KRTAP5-4: variants seen among roughly 807,000 people sequenced by gnomAD.
The protein encoded by KRTAP5-4 is keratin-associated protein 5-4.
Under a neutral mutation model 2.6 loss-of-function variants are expected in KRTAP5-4, and 1 was observed. The ratio of observed to expected loss-of-function variants is 0.39; its 90% confidence interval spans 0.14 to 1.85. The LOEUF (loss-of-function observed/expected upper bound fraction) is 1.85, where lower values mean the gene tolerates loss of function less well. KRTAP5-4 is among the 40% of genes most tolerant of loss of function. The pLI, the probability that KRTAP5-4 is intolerant of heterozygous loss-of-function variation, is 0.32. For missense variants in KRTAP5-4, 195 were observed against 276.9 expected, an observed-to-expected ratio of 0.70 and a Z score of 2.10; for synonymous variants, 83 against 113.1, an observed-to-expected ratio of 0.73 and a Z score of 1.69.
Position 1,621,258 on chromosome 11 carries a change from CTCT to C in KRTAP5-4, c.*146_*148del, listed in dbSNP as rs1849593254. 6.9e-7 allele frequency: 1 copy of C among 1,440,388 alleles called. No homozygotes were observed. Among genetic ancestry groups the C allele is most frequent in the East Asian group, 2.4e-5 (1 of 41,882 alleles). The allele number at this position is 1,440,388 out of a possible 1,614,324, so 89.2% of individuals were successfully genotyped here. A position where few individuals can be genotyped will look rare whatever the true frequency, so the allele number is the denominator to read the frequency against. On this transcript the variant is annotated 3_prime_UTR_variant, in exon 1 of 1. Coordinates refer to ENST00000399682, the MANE Select transcript of KRTAP5-4 (RefSeq NM_001347674.1). ...GACAATGGACATTAATTAGGGTGGA[CTCT>C]TCTTAGGAAAAGGCAGCCAGATATG...
At position 1,621,401 on chromosome 11, in the gene KRTAP5-4, A is replaced by G; in HGVS notation, c.*6T>C. On this transcript the variant is annotated 3_prime_UTR_variant, in exon 1 of 1. Transcript: ENST00000399682. ...CAGGACTCACATGAGGCCTGAGTCCAGAGCCTCAGATCTTACACTGGCAGC... is the reference window on the plus strand; with the variant it reads ...CAGGACTCACATGAGGCCTGAGTCCGGAGCCTCAGATCTTACACTGGCAGC... 6.2e-7 allele frequency: 1 copy of G among 1,614,118 alleles called. No homozygotes were observed. Among genetic ancestry groups the G allele is most frequent in the Non-Finnish European group, 8.5e-7 (1 of 1,179,966 alleles).
In KRTAP5-4 at chr11:1,621,164, C is replaced by T. The variant is rs1349703838; in HGVS notation, c.*243G>A. On this transcript the variant is annotated 3_prime_UTR_variant, in exon 1 of 1. Coordinates refer to ENST00000399682, the MANE Select transcript of KRTAP5-4 (RefSeq NM_001347674.1). ...AGGCCTCTGAAAAGATGAGCAAAGG[C>T]GAGGCTAGTGGGTGAGGGGTGATTC... 24 of 751,130 alleles carry T rather than the reference C, an allele frequency of 3.2e-5. No homozygotes were observed. Among genetic ancestry groups the T allele is most frequent in the Admixed American group, 6.1e-5 (2 of 32,576 alleles). The allele number at this position is 751,130 out of a possible 1,614,324, so 46.5% of individuals were successfully genotyped here.
At position 1,621,462 on chromosome 11, in the gene KRTAP5-4, G is replaced by A; in HGVS notation, c.632C>T (p.Pro211Leu). ...ACAGCAACTAGACTGGGAGCAGCAG[G>A]GATTGCAGCAACTGGACTGGCAGCA... ...SSCCQSSCCN[P>L]CCSQSSCCVP... Residue 211 changes from proline to leucine, a missense_variant, in exon 1 of 1, where the codon CCC (proline) becomes CTC (leucine). By Grantham distance (98) the Pro-to-Leu change is moderately conservative. Coordinates refer to ENST00000399682, the MANE Select transcript of KRTAP5-4 (RefSeq NM_001347674.1). The A allele has an allele frequency of 3.1e-6, 5 of 1,614,120 alleles. No homozygotes were observed. The highest frequency in any genetic ancestry group is 4.2e-6 in the Non-Finnish European group (5 of 1,180,018).
At position 1,622,049 on chromosome 11, in the gene KRTAP5-4, CCCACAGCCGGAGCCACAGCCT is replaced by C. The variant is rs1849616708; in HGVS notation, c.24_44del (p.Gly41_Ser47del). 1 of 1,598,568 alleles carries C rather than the reference CCCACAGCCGGAGCCACAGCCT, an allele frequency of 6.3e-7. No individual in the cohort carries two copies. The highest frequency in any genetic ancestry group is 1.7e-5 in the Admixed American group (1 of 59,076). Reference sequence around the variant, plus strand: ...AGCCCCCACAGCCGGAGCCACAGCCCCCACAGCCGGAGCCACAGCCTCCAGAGCAGCCACAGCAGCCCATGG... The same window carrying C: ...AGCCCCCACAGCCGGAGCCACAGCCCCCAGAGCAGCCACAGCAGCCCATGG... On this transcript the variant is annotated inframe_deletion, in exon 1 of 1. Coordinates refer to ENST00000399682, the MANE Select transcript of KRTAP5-4 (RefSeq NM_001347674.1).
rs746346664 is a variant in KRTAP5-4 at position 1,621,461 on chromosome 11, G to C, written c.633C>G (p.Pro211=). 5.6e-6 allele frequency: 9 copies of C among 1,614,016 alleles called. No individual in the cohort carries two copies. The highest frequency in any genetic ancestry group is 7.6e-6 in the Non-Finnish European group (9 of 1,180,034). Reference sequence around the variant, plus strand: ...CACAGCAACTAGACTGGGAGCAGCAGGGATTGCAGCAACTGGACTGGCAGC... The same window carrying C: ...CACAGCAACTAGACTGGGAGCAGCACGGATTGCAGCAACTGGACTGGCAGC... ...SSCCQSSCCN[P]CCSQSSCCVP... Residue 211 remains proline (P), a synonymous_variant, in exon 1 of 1, where the codon CCC becomes CCG. Coordinates refer to ENST00000399682, the MANE Select transcript of KRTAP5-4 (RefSeq NM_001347674.1).
rs1311797501 is a variant in KRTAP5-4, at chr11:1,620,970, G to A, written c.*437C>T. 3.8e-4 allele frequency: 60 copies of A among 157,550 alleles called. No homozygotes were observed. Among genetic ancestry groups the A allele is most frequent in the Non-Finnish European group, 4.8e-4 (37 of 77,894 alleles). The allele number at this position is 157,550 out of a possible 1,614,324, so 9.8% of individuals were successfully genotyped here. A position where few individuals can be genotyped will look rare whatever the true frequency, so the allele number is the denominator to read the frequency against. On this transcript the variant is annotated 3_prime_UTR_variant, in exon 1 of 1. Coordinates refer to ENST00000399682, the MANE Select transcript of KRTAP5-4 (RefSeq NM_001347674.1). ...TGCACTCCAGCCTGGGTGACAGTGC[G>A]AGACTCCATCTCAAAAAAAAAAAAA... is the stretch of plus-strand genomic sequence containing the variant.
At position 1,621,358 on chromosome 11, in the gene KRTAP5-4, T is replaced by C; in HGVS notation, c.*49A>G. On this transcript the variant is annotated 3_prime_UTR_variant, in exon 1 of 1. Coordinates refer to ENST00000399682, the MANE Select transcript of KRTAP5-4 (RefSeq NM_001347674.1). Reference sequence around the variant, plus strand: ...TCAACAATGAAGGACAGGTCACAGCTTTGGAAGACAGGATTAGCAGGACTC... The same window carrying C: ...TCAACAATGAAGGACAGGTCACAGCCTTGGAAGACAGGATTAGCAGGACTC... 1.2e-6 allele frequency: 2 copies of C among 1,608,094 alleles called. No homozygotes were observed. The highest frequency in any genetic ancestry group is 1.7e-6 in the Non-Finnish European group (2 of 1,175,948).
Position 1,622,080 on chromosome 11 carries a change from C to A in KRTAP5-4, c.14G>T (p.Gly5Val). 1.2e-6 allele frequency: 2 copies of A among 1,611,554 alleles called. No individual in the cohort carries two copies. The highest frequency in any genetic ancestry group is 1.7e-6 in the Non-Finnish European group (2 of 1,179,540). ...GCCGGAGCCACAGCCTCCAGAGCAG[C>A]CACAGCAGCCCATGGTTCTGGTGGA... MGCC[G>V]CSGGCGSGCG... is the part of the protein sequence containing the mutation. Residue 5 changes from glycine (G) to valine (V), a missense_variant, in exon 1 of 1, where the codon GGC (glycine) becomes GTC (valine). By Grantham distance (109) the Gly-to-Val change is moderately radical. Coordinates refer to ENST00000399682, the MANE Select transcript of KRTAP5-4 (RefSeq NM_001347674.1).
rs1245159520 is a variant in KRTAP5-4 at position 1,621,059 on chromosome 11, C to T, written c.*348G>A. ...CCACTCCAAGGAAGCCTCTTAAACGCCCACCTTGTTGCAGGTGGGACGCTT... is the reference window on the plus strand; with the variant it reads ...CCACTCCAAGGAAGCCTCTTAAACGTCCACCTTGTTGCAGGTGGGACGCTT... On this transcript the variant is annotated 3_prime_UTR_variant, in exon 1 of 1. Transcript: ENST00000399682. 2 of 316,340 alleles carry T rather than the reference C, an allele frequency of 6.3e-6. No homozygotes were observed. The highest frequency in any genetic ancestry group is 6.2e-6 in the Non-Finnish European group (1 of 161,318). The allele number at this position is 316,340 out of a possible 1,614,324, so 19.6% of individuals were successfully genotyped here.
rs761097964 is a variant in KRTAP5-4 at position 1,621,962 on chromosome 11, GC to G, written c.131del (p.Gly44AlafsTer194). On this transcript the variant is annotated frameshift_variant, in exon 1 of 1. Coordinates refer to ENST00000399682, the MANE Select transcript of KRTAP5-4 (RefSeq NM_001347674.1). LOFTEE classifies it low-confidence loss of function (END_TRUNC). ...GCGGCGSGCG[G>X]CGSSCCVPIC... The stretch of plus-strand genomic sequence containing the variant: ...TGGGCACACAGCAGCTGGAGCCACA[GC>G]CCCCACAGCCGGAGCCACAGCCCCC... The G allele has an allele frequency of 1.3e-6, 2 of 1,559,112 alleles. No homozygotes were observed. The highest frequency in any genetic ancestry group is 1.7e-6 in the Non-Finnish European group (2 of 1,146,572).
Position 1,621,405 on chromosome 11 carries a change from C to T in KRTAP5-4, c.*2G>A. On this transcript the variant is annotated 3_prime_UTR_variant, in exon 1 of 1. Coordinates refer to ENST00000399682, the MANE Select transcript of KRTAP5-4 (RefSeq NM_001347674.1). ...ACTCACATGAGGCCTGAGTCCAGAG[C>T]CTCAGATCTTACACTGGCAGCACAC... is the stretch of plus-strand genomic sequence containing the variant. 6.2e-7 allele frequency: 1 copy of T among 1,614,106 alleles called. No homozygotes were observed. Among genetic ancestry groups the T allele is most frequent in the Non-Finnish European group, 8.5e-7 (1 of 1,179,990 alleles).
Position 1,620,982 on chromosome 11 carries a change from CAAAAA to C in KRTAP5-4, c.*420_*424del, listed in dbSNP as rs60019828. 5.7e-3 allele frequency: 401 copies of C among 70,158 alleles called. No homozygotes were observed. The highest frequency in any genetic ancestry group is 0.017 in the South Asian group (41 of 2,478). The allele number at this position is 70,158 out of a possible 1,614,324, so 4.3% of individuals were successfully genotyped here. ...TGGGTGACAGTGCGAGACTCCATCT[CAAAAA>C]AAAAAAAAAAAAAAAAAAGATACAG... is the stretch of plus-strand genomic sequence containing the variant. On this transcript the variant is annotated 3_prime_UTR_variant, in exon 1 of 1. Transcript: ENST00000399682.
rs777789403 is a variant in KRTAP5-4, at chr11:1,621,678, C to T, written c.416G>A (p.Cys139Tyr). 6.2e-7 allele frequency: 1 copy of T among 1,611,364 alleles called. No homozygotes were observed. Among genetic ancestry groups the T allele is most frequent in the Non-Finnish European group, 8.5e-7 (1 of 1,178,402 alleles). ...GAAGCAGCAGGGCTTACAGCAGCTGCACTGGGAGCAGCCACAAGAGCCACA... is the reference window on the plus strand; with the variant it reads ...GAAGCAGCAGGGCTTACAGCAGCTGTACTGGGAGCAGCCACAAGAGCCACA... Reference protein sequence around the residue: ...GGCGSCGCSQCSCCKPCCFSS... With the variant: ...GGCGSCGCSQYSCCKPCCFSS... Residue 139 changes from cysteine (C) to tyrosine (Y), a missense_variant, in exon 1 of 1, where the codon TGC (cysteine) becomes TAC (tyrosine). By Grantham distance (194) the Cys-to-Tyr change is radical. Transcript: ENST00000399682.
chr11:1,621,962 G>T lies in KRTAP5-4; in HGVS notation c.132C>A (p.Gly44=), dbSNP rs1348143664. 1 of 1,559,002 alleles carries T rather than the reference G, an allele frequency of 6.4e-7. No individual in the cohort carries two copies. The highest frequency in any genetic ancestry group is 8.7e-7 in the Non-Finnish European group (1 of 1,146,580). The change falls in exon 1 of 1, where the codon GGC becomes GGA. Residue 44 remains glycine, a synonymous_variant. Transcript: ENST00000399682. ...TGGGCACACAGCAGCTGGAGCCACA[G>T]CCCCCACAGCCGGAGCCACAGCCCC... is the stretch of plus-strand genomic sequence containing the variant. The part of the protein sequence containing the change: ...GCGGCGSGCG[G]CGSSCCVPIC...
rs1209360771 is a variant in KRTAP5-4 at position 1,622,026 on chromosome 11, C to A, written c.68G>T (p.Gly23Val). ...ACAGCCCCCACAGCCAGAGCCACAG[C>A]CCCCACAGCCGGAGCCACAGCCCCC... ...GCGGCGSGCG[G>V]CGSGCGGCGS... The change falls in exon 1 of 1, where the codon GGC becomes GTC. Residue 23 changes from glycine to valine, a missense_variant. Gly to Val is a moderately radical substitution (Grantham distance 109). Coordinates refer to ENST00000399682, the MANE Select transcript of KRTAP5-4 (RefSeq NM_001347674.1). 7.4e-7 allele frequency: 1 copy of A among 1,355,948 alleles called. No homozygotes were observed. Among genetic ancestry groups the A allele is most frequent in the Non-Finnish European group, 1.0e-6 (1 of 992,864 alleles). The allele number at this position is 1,355,948 out of a possible 1,614,324, so 84.0% of individuals were successfully genotyped here. A position where few individuals can be genotyped will look rare whatever the true frequency, so the allele number is the denominator to read the frequency against.
chr11:1,621,108 A>C lies in KRTAP5-4; in HGVS notation c.*299T>G. The C allele has an allele frequency of 2.1e-6, 1 of 475,634 alleles. No individual in the cohort carries two copies. The allele number at this position is 475,634 out of a possible 1,614,324, so 29.5% of individuals were successfully genotyped here. A position where few individuals can be genotyped will look rare whatever the true frequency, so the allele number is the denominator to read the frequency against. ...TTATGCCCAGCTGCTCCAGCTGGAA[A>C]AGACAGGACTGCAAGTGGGTTCAGG... is the stretch of plus-strand genomic sequence containing the variant. On this transcript the variant is annotated 3_prime_UTR_variant, in exon 1 of 1. Coordinates refer to ENST00000399682, the MANE Select transcript of KRTAP5-4 (RefSeq NM_001347674.1).
chr11:1,621,473 A>G lies in KRTAP5-4; in HGVS notation c.621T>C (p.Ser207=), dbSNP rs769805272. Residue 207 remains serine, a synonymous_variant, in exon 1 of 1, where the codon AGT becomes AGC. Transcript: ENST00000399682. ...ACTGGGAGCAGCAGGGATTGCAGCA[A>G]CTGGACTGGCAGCAGGATGACCCAC... The part of the protein sequence containing the change: ...SGCGSSCCQS[S]CCNPCCSQSS... 1.9e-6 allele frequency: 3 copies of G among 1,613,632 alleles called. No individual in the cohort carries two copies. Among genetic ancestry groups the G allele is most frequent in the East Asian group, 2.2e-5 (1 of 44,858 alleles).
In KRTAP5-4 at chr11:1,621,588, C is replaced by A; in HGVS notation, c.506G>T (p.Gly169Val). Residue 169 changes from glycine (G) to valine (V), a missense_variant, in exon 1 of 1, where the codon GGT (glycine) becomes GTT (valine). Gly to Val is a moderately radical substitution (Grantham distance 109). Transcript: ENST00000399682. Reference sequence around the variant, plus strand: ...GGACTGGCAGCAGGATGACCCACAACCTGAGGAGGAGCAGCAGGGCTTACA... The same window carrying A: ...GGACTGGCAGCAGGATGACCCACAAACTGAGGAGGAGCAGCAGGGCTTACA... ...SCCKPCCSSS[G>V]CGSSCCQSSC... 1 of 1,613,908 alleles carries A rather than the reference C, an allele frequency of 6.2e-7. No individual in the cohort carries two copies. The highest frequency in any genetic ancestry group is 8.5e-7 in the Non-Finnish European group (1 of 1,179,900).
In KRTAP5-4 at chr11:1,621,922, G is replaced by T. The variant is rs775703883; in HGVS notation, c.172C>A (p.Pro58Thr). The T allele has an allele frequency of 4.4e-6, 7 of 1,604,650 alleles. No individual in the cohort carries two copies. In the East Asian group the frequency reaches 9.0e-5, roughly 21 times the overall value. Residue 58 changes from proline (P) to threonine (T), a missense_variant, in exon 1 of 1, where the codon CCT (proline) becomes ACT (threonine). Physicochemically the swap from Pro to Thr is conservative, Grantham distance 38. Transcript: ENST00000399682. ...CAGGCTGGCACACAGCAGCACACAG[G>T]TTTGCAGCAGCAGATGGGCACACAG... ...SCCVPICCCKPVCCCVPACSC... is the reference protein window; with the variant it reads ...SCCVPICCCKTVCCCVPACSC...
Sources: allele counts gnomAD v4.1 joint callset, GRCh38; gene constraint gnomAD v4.1.1; transcripts MANE v1.5; gene names NCBI Gene and HGNC (gene_info 2026-07-23, HGNC 2026-07-21).